Variants in KIF21A observed in about 807,000 individuals in gnomAD.
KIF21A encodes the protein kinesin-like protein KIF21A.
A neutral mutation model predicts 202.9 loss-of-function variants in KIF21A; 114 were observed. The ratio of observed to expected loss-of-function variants is 0.56; its 90% confidence interval spans 0.48 to 0.66. The LOEUF is 0.66. KIF21A is among the 30% of genes least tolerant of loss of function. KIF21A has a pLI of 0.00. For synonymous variants in KIF21A, 667 were observed against 670.8 expected (o/e 0.99, Z 0.09); for missense variants, 1,677 against 1,994.9 (o/e 0.84, Z 3.04).
chr12:39,350,861 AT>A (rs1432561716), intron 11 of KIF21A, among the ~76,000 whole-genome samples: 1 of 152,012 alleles, frequency 6.6e-6, no homozygotes, highest in Non-Finnish European at 1.5e-5. Flanking sequence ...ACCTAAATAC[AT>A]TTTTAAATAA....
In KIF21A at chr12:39,380,701, GA is replaced by G. The variant is rs1212615359; in HGVS notation, c.45-10441del. On this transcript the variant is annotated intron_variant, in intron 1 of 37. Coordinates refer to ENST00000361418, the MANE Select transcript of KIF21A (RefSeq NM_001173464.2). The stretch of plus-strand genomic sequence containing the variant: ...CTGAGATTCCATCTTTTATAAAAAA[GA>G]AAAGAAAGAAGAAGGAAAGAAGGAA... 8.6e-5 allele frequency among the ~76,000 whole-genome samples: 13 copies of G among 151,558 alleles called. No individual in the cohort carries two copies. The East Asian group carries it at 2.5e-3, about 30-fold the overall frequency.
intron 37 of KIF21A, among the ~76,000 whole-genome samples, chr12:39,300,490 T>C (rs1487109737): frequency 6.6e-6 from 1 of 151,976 alleles, no homozygotes; most frequent in Non-Finnish European, 1.5e-5. Context: ...AGAAATAAAG[T>C]AAAGGCTTCA....
chr12:39,341,933 T>C, intron 13 of KIF21A, 101 bp downstream of exon 13: 1 of 805,182 alleles, frequency 1.2e-6, no homozygotes, highest in South Asian at 1.4e-5. Flanking sequence ...GAATGCATCA[T>C]AAGCAGTTCA....
rs182807202 is a variant in KIF21A at position 39,351,701 on chromosome 12, T to C, written c.1673+76A>G. ...ACTAAGGTACTCATGAGACTATGTA[T>C]GCTCTTTATAATTGCAAATTAAAAT... On this transcript the variant is annotated intron_variant, in intron 11 of 37. Transcript: ENST00000361418. The C allele has an allele frequency of 6.6e-5, 57 of 860,830 alleles. 1 individual carries two copies. The Admixed American group carries it at 9.2e-4, about 14-fold the overall frequency. 53.3% of individuals were successfully genotyped at this position (860,830 alleles called of 1,614,324 possible). A position where few individuals can be genotyped will look rare whatever the true frequency, so the allele number is the denominator to read the frequency against.
rs1948866273 is a variant in KIF21A at position 39,357,498 on chromosome 12, T to C, written c.1216-61A>G. 2 of 1,354,336 alleles carry C rather than the reference T, an allele frequency of 1.5e-6. 1 individual carries two copies. 83.9% of individuals were successfully genotyped at this position (1,354,336 alleles called of 1,614,324 possible). ...AGCCTTAAAAACACAAGAGTTTTGCTTAAGAATACTCTATAACTATACAAT... is the reference window on the plus strand; with the variant it reads ...AGCCTTAAAAACACAAGAGTTTTGCCTAAGAATACTCTATAACTATACAAT... On this transcript the variant is annotated intron_variant, in intron 8 of 37. Transcript: ENST00000361418.
chr12:39,351,631 A>G, intron 11 of KIF21A, 146 bp downstream of exon 11: 1 of 587,400 alleles, frequency 1.7e-6, no homozygotes, highest in Non-Finnish European at 3.0e-6. Context: ...ACCATTAAAA[A>G]CTAGATAGTT....
chr12:39,415,141 C>T (rs1187235337), intron 1 of KIF21A, among the ~76,000 whole-genome samples: 1 of 150,382 alleles, frequency 6.6e-6, no homozygotes, highest in Non-Finnish European at 1.5e-5. Flanking sequence ...CCTGGCCTTT[C>T]CTTAAGTCAG....
intron 1 of KIF21A, among the ~76,000 whole-genome samples, chr12:39,432,491 T>C (rs1379564963): frequency 6.6e-6 from 1 of 152,248 alleles, no homozygotes; most frequent in African/African-American, 2.4e-5. Flanking sequence ...TAAAGTCATG[T>C]CAATTAAATC....
chr12:39,340,955 A>T lies in KIF21A; in HGVS notation c.2061T>A (p.His687Gln). 1 of 1,613,302 alleles carries T rather than the reference A, an allele frequency of 6.2e-7. No homozygotes were observed. The change falls in exon 15 of 38, where the codon CAT becomes CAA. Residue 687 changes from histidine to glutamine, a missense_variant. Physicochemically the swap from His to Gln is conservative, Grantham distance 24. Around this residue, in one of 3 missense-constraint regions of KIF21A, gnomAD observed 966 missense variants for 1,180.9 expected, o/e 0.82. Transcript: ENST00000361418. ...QYEEKLMMLQ[H>Q]KIRDTQLERD... ...TTTCAAGCTGAGTATCCCGAATTTT[A>T]TGTTGCAGCATCATTAGCTTCTCTT...
intron 37 of KIF21A, among the ~76,000 whole-genome samples, chr12:39,298,374 T>G (rs1460934618): frequency 6.6e-6 from 1 of 152,046 alleles, no homozygotes; most frequent in East Asian, 1.9e-4. Context: ...ATGAGTAGAG[T>G]GCAACTATAA....
At chr12:39,421,798 A>C (rs141452716) in intron 1 of KIF21A, among the ~76,000 whole-genome samples, 6,641 of 147,020 alleles carry the variant, frequency 0.045, 205 homozygotes, top group African/African-American at 0.089. Flanking sequence ...GTATAATTTT[A>C]TATATTATAT....
At chr12:39,302,181 A>G (rs1943025308) in intron 36 of KIF21A, among the ~76,000 whole-genome samples, 1 of 152,190 alleles carries the variant, frequency 6.6e-6, no homozygotes, top group South Asian at 2.1e-4. Flanking sequence ...AGATCAGACT[A>G]TATGACTATA....
chr12:39,361,917 A>T (rs1366051047), intron 7 of KIF21A, among the ~76,000 whole-genome samples: 1 of 152,192 alleles, frequency 6.6e-6, no homozygotes, highest in Non-Finnish European at 1.5e-5. Flanking sequence ...GTGCCCTCAC[A>T]CAAATCTCAT....
intron 1 of KIF21A, among the ~76,000 whole-genome samples, chr12:39,378,161 A>C (rs531794888): frequency 2.2e-4 from 33 of 152,208 alleles, no homozygotes; most frequent in Non-Finnish European, 3.7e-4. Flanking sequence ...CCAGAAAAAG[A>C]AAGCAGGAAA....
intron 24 of KIF21A, among the ~76,000 whole-genome samples, chr12:39,328,413 C>T (rs1156923095): frequency 1.3e-5 from 2 of 152,120 alleles, no homozygotes; most frequent in African/African-American, 4.8e-5. Flanking sequence ...ATACAAATGC[C>T]TGGATACAGA....
intron 6 of KIF21A, among the ~76,000 whole-genome samples, chr12:39,363,774 T>C (rs1949413080): frequency 6.6e-6 from 1 of 152,220 alleles, no homozygotes; most frequent in African/African-American, 2.4e-5. Flanking sequence ...TCCCAGCACT[T>C]TGGGAGGCCA....
chr12:39,381,306 CAAA>C (rs542073175), intron 1 of KIF21A, among the ~76,000 whole-genome samples: 2 of 64,892 alleles, frequency 3.1e-5, no homozygotes, highest in Non-Finnish European at 3.3e-5. Context: ...GACTCTGTCT[CAAA>C]AAAAAAAAAA....
chr12:39,342,187 C>T (rs1302708301), intron 12 of KIF21A, 63 bp from the exon 13 acceptor site: 1 of 1,188,512 alleles, frequency 8.4e-7, no homozygotes, highest in Non-Finnish European at 1.2e-6. Context: ...ACTTTTTCTC[C>T]CTCAGATTTT....
At chr12:39,415,506 C>T (rs1393457352) in intron 1 of KIF21A, among the ~76,000 whole-genome samples, 1 of 152,134 alleles carries the variant, frequency 6.6e-6, no homozygotes, top group Non-Finnish European at 1.5e-5. Flanking sequence ...TCCCAGCAGC[C>T]TCGGCCTCCC....
Sources: gnomAD v4.1 joint callset for allele counts (sites outside exome capture counted in the v4.1 genomes callset) on GRCh38, gnomAD v4.1.1 for gene constraint, gnomAD v4.1.1 regional missense constraint, MANE v1.5 for transcripts, NCBI Gene and HGNC (gene_info 2026-07-23, HGNC 2026-07-21) for gene names.